MAEL: variants seen among roughly 807,000 people sequenced by gnomAD.
The protein encoded by MAEL is protein maelstrom homolog.
Under a neutral mutation model 62.0 loss-of-function variants are expected in MAEL, and 46 were observed. The ratio of observed to expected loss-of-function variants is 0.74; its 90% CI spans 0.59 to 0.95. The LOEUF is 0.95. MAEL is among the 40% of genes least tolerant of loss of function. The pLI, the probability that MAEL is intolerant of heterozygous loss-of-function variation, is 0.00. For synonymous variants in MAEL, 172 were observed against 175.5 expected (o/e 0.98, Z 0.16); for missense variants, 497 against 526.8 (o/e 0.94, Z 0.55).
chr1:167,016,947 T>C (rs547191582), intron 9 of MAEL, among the ~76,000 whole-genome samples: 1 of 151,878 alleles, frequency 6.6e-6, no homozygotes, highest in Non-Finnish European at 1.5e-5. Context: ...ATTGAACCCA[T>C]GGAGATAGAG....
At chr1:167,005,524 T>G in intron 8 of MAEL, 127 bp downstream of exon 8, 1 of 790,908 alleles carries the variant, frequency 1.3e-6, no homozygotes, top group Non-Finnish European at 1.9e-6. Flanking sequence ...TGTATTTCCC[T>G]GAATATAAAA....
rs918202757 is a variant in MAEL at position 166,989,814 on chromosome 1, GC to G, written c.213del (p.Ser72GlnfsTer11). 4 of 1,612,712 alleles carry G rather than the reference GC, an allele frequency of 2.5e-6. No homozygotes were observed. Among genetic ancestry groups the G allele is most frequent in the Middle Eastern group, 1.7e-4 (1 of 6,052 alleles). On this transcript the variant is annotated frameshift_variant, in exon 2 of 12. Transcript: ENST00000367872. LOFTEE classifies it high-confidence loss of function. ...WRAAQGKDPGPSEKQKPVFTP... is the reference protein window; with the variant it reads ...WRAAQGKDPGXSEKQKPVFTP... ...GGGCCGCTCAGGGAAAGGACCCTGGGCCCTCAGAGAAGCAGGTAAAGTTAAC... is the reference window on the plus strand; with the variant it reads ...GGGCCGCTCAGGGAAAGGACCCTGGGCCTCAGAGAAGCAGGTAAAGTTAAC...
chr1:167,010,436 GTTTTCTTTTC>G (rs111658774), intron 8 of MAEL, among the ~76,000 whole-genome samples: 1 of 151,694 alleles, frequency 6.6e-6, no homozygotes, highest in Non-Finnish European at 1.5e-5. Flanking sequence ...CTCCTTTTCT[GTTTTCTTTTC>G]TTTTCTTTTC....
intron 11 of MAEL, 118 bp from the exon 12 acceptor site, chr1:167,021,549 CT>C: frequency 1.5e-6 from 1 of 675,738 alleles, no homozygotes. Context: ...AAACATTTTT[CT>C]GTTGAATTAT....
intron 2 of MAEL, among the ~76,000 whole-genome samples, chr1:166,991,104 G>A (rs1362236131): frequency 1.3e-5 from 2 of 152,210 alleles, no homozygotes; most frequent in African/African-American, 4.8e-5. Flanking sequence ...GTAGTAGGTG[G>A]CTCAGGATGA....
At position 166,989,662 on chromosome 1, in the gene MAEL, A is replaced by G. The variant is rs1664072985; in HGVS notation, c.133-75A>G. On this transcript the variant is annotated intron_variant, in intron 1 of 11. Coordinates refer to ENST00000367872, the MANE Select transcript of MAEL (RefSeq NM_032858.3). ...CAGAACCACCTCCCTGTAATGCCCC[A>G]GCATCTGCCTGCGGGCCCTAGAGCA... 3.3e-6 allele frequency: 5 copies of G among 1,495,044 alleles called. No homozygotes were observed. In the African/African-American group the frequency reaches 6.9e-5, roughly 21 times the overall value. 92.6% of individuals were successfully genotyped at this position (1,495,044 alleles called of 1,614,324 possible). A position where few individuals can be genotyped will look rare whatever the true frequency, so the allele number is the denominator to read the frequency against.
chr1:167,000,870 C>T (rs772188840), intron 5 of MAEL, among the ~76,000 whole-genome samples: 2 of 152,152 alleles, frequency 1.3e-5, no homozygotes, highest in Non-Finnish European at 2.9e-5. Context: ...AGTAGAACTA[C>T]CATTTGAAAA....
upstream of MAEL, among the ~76,000 whole-genome samples, chr1:166,984,795 G>T (rs1663864745): frequency 6.6e-6 from 1 of 152,096 alleles, no homozygotes; most frequent in South Asian, 2.1e-4. Flanking sequence ...CCTCTGTCTA[G>T]AACTCTCTTC....
chr1:166,984,147 C>A (rs1306446704), upstream of MAEL, among the ~76,000 whole-genome samples: 1 of 152,100 alleles, frequency 6.6e-6, no homozygotes, highest in Non-Finnish European at 1.5e-5. Context: ...CACTAAGTGC[C>A]CATGGGTTAC....
chr1:166,982,770 T>A (rs1039725658), intron 1 of MAEL, among the ~76,000 whole-genome samples: 5 of 152,152 alleles, frequency 3.3e-5, no homozygotes, highest in Non-Finnish European at 7.4e-5. Context: ...TGGCCCTACC[T>A]CCCTCTCTAA....
intron 8 of MAEL, among the ~76,000 whole-genome samples, chr1:167,006,784 C>T (rs1664933417): frequency 1.3e-5 from 2 of 150,960 alleles, no homozygotes; most frequent in South Asian, 2.1e-4. Context: ...TACAGGCACC[C>T]GCCACCATGC....
At chr1:167,011,805 C>A (rs959372552) in intron 8 of MAEL, among the ~76,000 whole-genome samples, 23 of 152,092 alleles carry the variant, frequency 1.5e-4, no homozygotes, top group African/African-American at 5.3e-4. Context: ...AGACATTGTG[C>A]AATACCTTCA....
chr1:167,010,461 T>C (rs897951051), intron 8 of MAEL, among the ~76,000 whole-genome samples: 21 of 151,726 alleles, frequency 1.4e-4, no homozygotes, highest in East Asian at 7.7e-4. Flanking sequence ...CTTTTCTTTT[T>C]TTTAAAGAGA....
intron 11 of MAEL, 24 bp from the exon 12 acceptor site, chr1:167,021,642 CTT>C (rs771593277): frequency 6.6e-7 from 1 of 1,514,886 alleles, no homozygotes; most frequent in Non-Finnish European, 8.9e-7. Flanking sequence ...TGCTATATCT[CTT>C]TTCTTGTATT....
In MAEL at chr1:167,021,658, A is replaced by G; in HGVS notation, c.1118-10A>G. The G allele has an allele frequency of 6.4e-7, 1 of 1,558,154 alleles. No individual in the cohort carries two copies. The highest frequency in any genetic ancestry group is 2.3e-5 in the East Asian group (1 of 44,150). The stretch of plus-strand genomic sequence containing the variant: ...GCTATATCTCTTTTCTTGTATTTTC[A>G]ATATCCTAGGTGACTACCCATCTAG... On this transcript the variant is annotated splice_polypyrimidine_tract_variant and intron_variant, in intron 11 of 11. Coordinates refer to ENST00000367872, the MANE Select transcript of MAEL (RefSeq NM_032858.3).
chr1:166,986,125 T>G (rs535927369), upstream of MAEL, among the ~76,000 whole-genome samples: 1 of 151,814 alleles, frequency 6.6e-6, no homozygotes, highest in East Asian at 1.9e-4. Flanking sequence ...ATGGACACTA[T>G]GCAAAATGAA....
At chr1:167,006,626 T>C (rs202008763) in intron 8 of MAEL, among the ~76,000 whole-genome samples, 22,075 of 105,464 alleles carry the variant, frequency 0.21, 2,804 homozygotes, top group African/African-American at 0.28. Flanking sequence ...TATATATATA[T>C]ATATATATAT....
In MAEL at chr1:167,017,896, A is replaced by T; in HGVS notation, c.978A>T (p.Gln326His). The T allele has an allele frequency of 6.2e-7, 1 of 1,613,438 alleles. No individual in the cohort carries two copies. The highest frequency in any genetic ancestry group is 1.1e-5 in the South Asian group (1 of 91,034). ...TCACAGAGGCTCATGTACCACTACA[A>T]GATTATGAGGCCAGCAATAGTGTGA... is the stretch of plus-strand genomic sequence containing the variant. The part of the protein sequence containing the change: ...IQLTEAHVPL[Q>H]DYEASNSVTP... Residue 326 changes from glutamine (Q) to histidine (H), a missense_variant, in exon 10 of 12, where the codon CAA becomes CAT. Gln to His is a conservative substitution (Grantham distance 24, BLOSUM62 0). Coordinates refer to ENST00000367872, the MANE Select transcript of MAEL (RefSeq NM_032858.3).
intron 11 of MAEL, among the ~76,000 whole-genome samples, 193 bp downstream of exon 11, chr1:167,021,353 A>G (rs1014345454): frequency 2.0e-5 from 3 of 152,160 alleles, no homozygotes; most frequent in African/African-American, 7.2e-5. Context: ...ACTTGGATAC[A>G]TTGTAACTTC....
Sources: gnomAD v4.1 joint callset for allele counts (sites outside exome capture counted in the v4.1 genomes callset) on GRCh38, gnomAD v4.1.1 for gene constraint, MANE v1.5 for transcripts, NCBI Gene and HGNC (gene_info 2026-07-23, HGNC 2026-07-21) for gene names.